Variants in MALT1 observed in about 807,000 individuals in gnomAD.
MALT1 encodes the protein mucosa-associated lymphoid tissue lymphoma translocation protein 1.
Under a neutral mutation model 85.5 loss-of-function variants are expected in MALT1, and 36 were observed. That is an observed-to-expected ratio of 0.42 (90% CI 0.32 to 0.56). The LOEUF (loss-of-function observed/expected upper bound fraction) is 0.56. Ranked by LOEUF, MALT1 falls within the 20% of genes least tolerant of loss-of-function variation. The probability of loss-of-function intolerance (pLI) is 0.10; values close to 1 mark genes in which losing one functional copy is unlikely to be tolerated. For missense variants in MALT1, 716 were observed against 981.6 expected (o/e 0.73, Z 3.62); for synonymous variants, 359 against 361.3 (o/e 0.99, Z 0.07).
chr18:58,691,184 T>C, intron 2 of MALT1: 1 of 298,250 alleles, frequency 3.4e-6, no homozygotes, highest in Non-Finnish European at 6.6e-6. Context: ...CTCTCCCCAC[T>C]ACTGATCTTC....
At chr18:58,732,737 T>G (rs1294513619) in intron 10 of MALT1, among the ~76,000 whole-genome samples, 1 of 134,372 alleles carries the variant, frequency 7.4e-6, no homozygotes, top group Non-Finnish European at 1.6e-5. Flanking sequence ...AGGAGACAAA[T>G]GAGTCAGGAG....
At chr18:58,741,204 C>T (rs937721582) in intron 13 of MALT1, among the ~76,000 whole-genome samples, 2 of 152,114 alleles carry the variant, frequency 1.3e-5, no homozygotes, top group Admixed American at 6.5e-5. Flanking sequence ...ATCTGATAAT[C>T]TTGGTCTTTT....
intron 1 of MALT1, among the ~76,000 whole-genome samples, chr18:58,680,021 T>TAA (rs149748019): frequency 6.6e-6 from 1 of 151,342 alleles, no homozygotes; most frequent in Non-Finnish European, 1.5e-5. Context: ...GCATCTCTAT[T>TAA]AAAAAAAAAT....
chr18:58,728,228 C>A (rs982672851), intron 10 of MALT1, among the ~76,000 whole-genome samples: 1 of 152,104 alleles, frequency 6.6e-6, no homozygotes, highest in Non-Finnish European at 1.5e-5. Context: ...TTAAAAAATA[C>A]CTATTTTCTT....
chr18:58,706,201 C>T (rs557320863), intron 4 of MALT1, among the ~76,000 whole-genome samples: 5 of 151,670 alleles, frequency 3.3e-5, no homozygotes, highest in South Asian at 4.2e-4. Context: ...TTATCACCCA[C>T]GCTGGAGTGC....
In MALT1 at chr18:58,680,924, C is replaced by T. The variant is rs552227316; in HGVS notation, c.210-246C>T. 5.4e-4 allele frequency among the ~76,000 whole-genome samples: 60 copies of T among 111,640 alleles called. 1 individual carries two copies. Among genetic ancestry groups the T allele is most frequent in the South Asian group, 1.6e-3 (5 of 3,076 alleles). 73.2% of individuals were successfully genotyped at this position (111,640 alleles called of 152,430 possible). On this transcript the variant is annotated intron_variant, in intron 1 of 16. Coordinates refer to ENST00000649217, the MANE Select transcript of MALT1 (RefSeq NM_006785.4). ...CGGCCTGGGCGACAGAGCGAGACTC[C>T]GTCTCAAAAAAAAAAAAAAAAAAAA...
At chr18:58,678,073 C>T (rs529499325) in intron 1 of MALT1, among the ~76,000 whole-genome samples, 24 of 152,262 alleles carry the variant, frequency 1.6e-4, no homozygotes, top group Non-Finnish European at 1.0e-4. Flanking sequence ...GTGTTAAGCA[C>T]TTCTTACATG....
intron 2 of MALT1, chr18:58,691,353 G>T: frequency 1.2e-6 from 1 of 850,662 alleles, no homozygotes. Flanking sequence ...GTTTGCTTTT[G>T]GCATTGCCCT....
chr18:58,748,729 C>G lies in MALT1; in HGVS notation c.*887C>G, dbSNP rs937635709. The G allele has an allele frequency of 9.7e-5, 19 of 195,388 alleles. No individual in the cohort carries two copies. Among genetic ancestry groups the G allele is most frequent in the African/African-American group, 4.4e-4 (19 of 43,242 alleles). The allele number at this position is 195,388 out of a possible 1,614,324, so 12.1% of individuals were successfully genotyped here. A position where few individuals can be genotyped will look rare whatever the true frequency, so the allele number is the denominator to read the frequency against. On this transcript the variant is annotated 3_prime_UTR_variant, in exon 17 of 17. Coordinates refer to ENST00000649217, the MANE Select transcript of MALT1 (RefSeq NM_006785.4). The stretch of plus-strand genomic sequence containing the variant: ...ATAATACTCTTATCTTTGGCTCTAC[C>G]TAAAAGTTGGTTAAAAATGCAATTG...
chr18:58,696,363 T>TTTTTGAAA lies in MALT1; in HGVS notation c.377-3_377-2insTTTTGAAA. On this transcript the variant is annotated splice_polypyrimidine_tract_variant and splice_region_variant and intron_variant, in intron 2 of 16. Transcript: ENST00000649217. ...TTTTTTTTTTTTTTTTTTTTTTTTT[T>TTTTTGAAA]AGGAATAAAGATTACTGTAAACCCA... 1 of 1,373,298 alleles carries TTTTTGAAA rather than the reference T, an allele frequency of 7.3e-7. No individual in the cohort carries two copies. Among genetic ancestry groups the TTTTTGAAA allele is most frequent in the Non-Finnish European group, 9.5e-7 (1 of 1,050,652 alleles). The allele number at this position is 1,373,298 out of a possible 1,614,324, so 85.1% of individuals were successfully genotyped here.
chr18:58,730,998 T>C (rs1568149858), intron 10 of MALT1, among the ~76,000 whole-genome samples: 2 of 152,204 alleles, frequency 1.3e-5, no homozygotes, highest in African/African-American at 4.8e-5. Flanking sequence ...TTGCCCAGGC[T>C]GGAGTGCTAG....
intron 8 of MALT1, among the ~76,000 whole-genome samples, chr18:58,715,080 C>T (rs985669594): frequency 1.3e-5 from 2 of 152,146 alleles, no homozygotes. Flanking sequence ...CACATAAAGC[C>T]TCAATGAGAC....
At chr18:58,701,505 G>A (rs2054672207) in intron 4 of MALT1, among the ~76,000 whole-genome samples, 1 of 152,224 alleles carries the variant, frequency 6.6e-6, no homozygotes, top group Admixed American at 6.5e-5. Context: ...TGTCTGAGCA[G>A]TGTAGGGATA....
chr18:58,719,579 T>C (rs1463785796), intron 9 of MALT1, among the ~76,000 whole-genome samples: 1 of 152,190 alleles, frequency 6.6e-6, no homozygotes, highest in Non-Finnish European at 1.5e-5. Flanking sequence ...GTCACACATA[T>C]TATGTTGCTC....
At chr18:58,716,043 AT>A in intron 9 of MALT1, 76 bp downstream of exon 9, 1 of 1,137,652 alleles carries the variant, frequency 8.8e-7, no homozygotes, top group East Asian at 2.4e-5. Context: ...AGACATTTTA[AT>A]TTGGTTTTTT....
chr18:58,741,258 T>TG (rs2055297498), intron 13 of MALT1, among the ~76,000 whole-genome samples: 1 of 152,158 alleles, frequency 6.6e-6, no homozygotes, highest in Non-Finnish European at 1.5e-5. Context: ...TTTTTGTACC[T>TG]GTTTTAACCA....
rs2055385348 is a variant in MALT1, at chr18:58,747,478, A to G, written c.2111A>G (p.Glu704Gly). The change falls in exon 17 of 17, where the codon GAA (glutamate) becomes GGA (glycine). Residue 704 changes from glutamate (E) to glycine (G), a missense_variant. This residue lies in a region of MALT1 where 260 missense variants were observed against 323.7 expected (regional missense o/e 0.80). Coordinates refer to ENST00000649217, the MANE Select transcript of MALT1 (RefSeq NM_006785.4). Reference sequence around the variant, plus strand: ...GAAGATACTGTAGAGGACAAGCAGGAAGTGAATGTTGGGAAACCTCTCATT... The same window carrying G: ...GAAGATACTGTAGAGGACAAGCAGGGAGTGAATGTTGGGAAACCTCTCATT... Reference protein sequence around the residue: ...GLEDTVEDKQEVNVGKPLIAK... With the variant: ...GLEDTVEDKQGVNVGKPLIAK... The G allele has an allele frequency of 6.2e-7, 1 of 1,613,928 alleles. No individual in the cohort carries two copies. Among genetic ancestry groups the G allele is most frequent in the Non-Finnish European group, 8.5e-7 (1 of 1,179,784 alleles).
chr18:58,711,630 C>G (rs1334739162), intron 7 of MALT1, among the ~76,000 whole-genome samples: 1 of 152,058 alleles, frequency 6.6e-6, no homozygotes, highest in Non-Finnish European at 1.5e-5. Context: ...ATCATCTTTC[C>G]TTAGTGTGAT....
At chr18:58,684,288 A>G (rs1041718370) in intron 2 of MALT1, among the ~76,000 whole-genome samples, 1 of 152,180 alleles carries the variant, frequency 6.6e-6, no homozygotes, top group East Asian at 1.9e-4. Flanking sequence ...TTAGCCGTAT[A>G]ATATCCTTAG....
Sources: allele counts gnomAD v4.1 joint callset (sites outside exome capture counted in the v4.1 genomes callset), GRCh38; gene constraint gnomAD v4.1.1; regional missense constraint gnomAD v4.1.1; transcripts MANE v1.5; gene names NCBI Gene and HGNC (gene_info 2026-07-23, HGNC 2026-07-21).